MYCBP2: variants seen among roughly 807,000 people sequenced by gnomAD.
MYCBP2 encodes the protein MYC binding protein 2.
MYCBP2 carries 120 observed loss-of-function variants against 525.3 expected under a neutral mutation model. That is an observed-to-expected ratio of 0.23 (90% confidence interval 0.20 to 0.27). MYCBP2 has a LOEUF of 0.27. Among genes scored for constraint, MYCBP2 ranks in the 10% least tolerant of loss-of-function variants. MYCBP2 has a pLI of 1.00. For synonymous variants in MYCBP2, 1,894 were observed against 1,955.8 expected (o/e 0.97, Z 0.83); for missense variants, 4,149 against 5,657.1 (o/e 0.73, Z 8.55).
intron 21 of MYCBP2, among the ~76,000 whole-genome samples, chr13:77,212,502 T>C (rs2064161260): frequency 6.6e-6 from 1 of 152,234 alleles, no homozygotes; most frequent in Non-Finnish European, 1.5e-5. Flanking sequence ...AAAATATTAG[T>C]ATTCCAAATT....
rs2042519419 is a variant in MYCBP2 at position 77,077,522 on chromosome 13, C to T, written c.11485-135G>A. 2.9e-6 allele frequency: 3 copies of T among 1,048,528 alleles called. No individual in the cohort carries two copies. The East Asian group carries it at 7.2e-5, about 25-fold the overall frequency. The allele number at this position is 1,048,528 out of a possible 1,614,324, so 65.0% of individuals were successfully genotyped here. On this transcript the variant is annotated intron_variant, in intron 66 of 82. Transcript: ENST00000544440. ...GTAAAGGTTATGAGGTTATTTCACA[C>T]TGATTTTCTTATTTCAACCAGGTGA...
rs1207751102 is a variant in MYCBP2 at position 77,211,109 on chromosome 13, C to A, written c.3416+58G>T. 13 of 1,290,274 alleles carry A rather than the reference C, an allele frequency of 1.0e-5. 1 individual carries two copies. The South Asian group carries it at 3.6e-4, about 35-fold the overall frequency. 79.9% of individuals were successfully genotyped at this position (1,290,274 alleles called of 1,614,324 possible). ...CCACCTGTAAATAAAGTTTATATTA[C>A]CATAAGAGTATAACTGCATCAAAAC... On this transcript the variant is annotated intron_variant, in intron 23 of 82. Coordinates refer to ENST00000544440, the MANE Select transcript of MYCBP2 (RefSeq NM_015057.5).
intron 62 of MYCBP2, among the ~76,000 whole-genome samples, chr13:77,084,153 C>G (rs1178026516): frequency 6.6e-6 from 1 of 152,118 alleles, no homozygotes; most frequent in African/African-American, 2.4e-5. Flanking sequence ...ACTTGTATAT[C>G]TGTCTTTTCA....
At chr13:77,218,487 A>T (rs1367917940) in intron 20 of MYCBP2, among the ~76,000 whole-genome samples, 1 of 152,228 alleles carries the variant, frequency 6.6e-6, no homozygotes, top group African/African-American at 2.4e-5. Context: ...TCAGGCTTTA[A>T]AGCTAGACTG....
intron 69 of MYCBP2, among the ~76,000 whole-genome samples, chr13:77,069,846 C>G (rs558903667): frequency 6.0e-5 from 9 of 150,872 alleles, no homozygotes; most frequent in African/African-American, 2.2e-4. Context: ...CCAGCCTGGG[C>G]AACAGAGCGA....
intron 2 of MYCBP2, among the ~76,000 whole-genome samples, chr13:77,295,162 G>A (rs2078037309): frequency 6.6e-6 from 1 of 152,154 alleles, no homozygotes; most frequent in East Asian, 1.9e-4. Flanking sequence ...TTGAGACGGA[G>A]TCTTACTCTG....
intron 18 of MYCBP2, among the ~76,000 whole-genome samples, chr13:77,232,933 T>C (rs996591297): frequency 6.6e-6 from 1 of 152,178 alleles, no homozygotes; most frequent in Non-Finnish European, 1.5e-5. Flanking sequence ...AAAGATATAT[T>C]GTAAAATATC....
intron 23 of MYCBP2, among the ~76,000 whole-genome samples, chr13:77,207,369 C>T (rs966408481): frequency 2.0e-5 from 3 of 152,172 alleles, no homozygotes; most frequent in Non-Finnish European, 4.4e-5. Context: ...ACAACGTCTT[C>T]ATCATCCCAT....
At chr13:77,143,111 G>T (rs2054952049) in intron 49 of MYCBP2, among the ~76,000 whole-genome samples, 1 of 152,264 alleles carries the variant, frequency 6.6e-6, no homozygotes. Flanking sequence ...GTAAAGAAAA[G>T]ATTAATGCCT....
At chr13:77,208,980 A>G (rs1028620573) in intron 23 of MYCBP2, among the ~76,000 whole-genome samples, 14 of 152,304 alleles carry the variant, frequency 9.2e-5, no homozygotes, top group South Asian at 6.2e-4. Context: ...CTAATATTGG[A>G]TGTGCAATGC....
intron 8 of MYCBP2, among the ~76,000 whole-genome samples, 181 bp from the exon 9 acceptor site, chr13:77,264,183 T>C (rs1034056791): frequency 8.5e-5 from 13 of 152,200 alleles, no homozygotes; most frequent in African/African-American, 2.9e-4. Flanking sequence ...ATCATACTTA[T>C]TACATTTTTG....
chr13:77,288,486 A>G, intron 2 of MYCBP2, 110 bp from the exon 3 acceptor site: 1 of 910,088 alleles, frequency 1.1e-6, no homozygotes, highest in Non-Finnish European at 1.7e-6. Flanking sequence ...AAGACACATT[A>G]TGTGACACAG....
In MYCBP2 at chr13:77,066,001, A is replaced by G. The variant is rs763027253; in HGVS notation, c.12543T>C (p.Asp4181=). ...AAGAATGGGAACTTACTGCTGCCAT[A>G]TCCTTGATAAGTTTAATGATGATCT... ...ISEIIIKLIK[D]MAAGHLSEAW... The change falls in exon 72 of 83, where the codon GAT becomes GAC. Residue 4181 remains aspartate (D), a synonymous_variant. Transcript: ENST00000544440. 16 of 1,611,180 alleles carry G rather than the reference A, an allele frequency of 9.9e-6. No individual in the cohort carries two copies. Among genetic ancestry groups the G allele is most frequent in the Non-Finnish European group, 1.4e-5 (16 of 1,178,388 alleles).
Position 77,206,740 on chromosome 13 carries a change from T to C in MYCBP2, c.3502A>G (p.Arg1168Gly), listed in dbSNP as rs1322742139. 6.2e-7 allele frequency: 1 copy of C among 1,613,180 alleles called. No homozygotes were observed. Among genetic ancestry groups the C allele is most frequent in the South Asian group, 1.1e-5 (1 of 90,960 alleles). ...AGTTCAGGACTTAGGATACTACATCTGGACTGCATGTCTGCTGCAGAGGGA... is the reference window on the plus strand; with the variant it reads ...AGTTCAGGACTTAGGATACTACATCCGGACTGCATGTCTGCTGCAGAGGGA... ...RLPSAADMQS[R>G]CSILSPELAL... Residue 1168 changes from arginine to glycine, a missense_variant, in exon 24 of 83, where the codon AGA (arginine) becomes GGA (glycine). Physicochemically the swap from Arg to Gly is moderately radical, Grantham distance 125. Around this residue, in one of 21 missense-constraint regions of MYCBP2, gnomAD observed 620 missense variants for 795.5 expected, o/e 0.78. Coordinates refer to ENST00000544440, the MANE Select transcript of MYCBP2 (RefSeq NM_015057.5).
chr13:77,212,391 A>T (rs571238194), intron 21 of MYCBP2, among the ~76,000 whole-genome samples: 166 of 152,178 alleles, frequency 1.1e-3, no homozygotes, highest in African/African-American at 2.9e-3. Context: ...ATTATTTTTT[A>T]AAAAAAAGTT....
chr13:77,106,983 G>A (rs2047953783), intron 55 of MYCBP2, among the ~76,000 whole-genome samples: 2 of 152,126 alleles, frequency 1.3e-5, no homozygotes, highest in Non-Finnish European at 2.9e-5. Flanking sequence ...AAATAGCACT[G>A]TATTCTGTTC....
intron 40 of MYCBP2, among the ~76,000 whole-genome samples, chr13:77,168,167 G>A (rs2058738215): frequency 6.6e-6 from 1 of 152,058 alleles, no homozygotes; most frequent in Admixed American, 6.5e-5. Context: ...ATGAAGTTTA[G>A]CATTATATAC....
At chr13:77,199,227 G>T (rs372684766) in intron 26 of MYCBP2, among the ~76,000 whole-genome samples, 1 of 152,244 alleles carries the variant, frequency 6.6e-6, no homozygotes, top group Non-Finnish European at 1.5e-5. Context: ...TGCCTCACTC[G>T]GGAAGCGCAA....
At chr13:77,164,233 T>A (rs1204121120) in intron 43 of MYCBP2, among the ~76,000 whole-genome samples, 1 of 152,192 alleles carries the variant, frequency 6.6e-6, no homozygotes, top group Non-Finnish European at 1.5e-5. Flanking sequence ...AGCATGTATA[T>A]GCATAAAAAG....
Sources: gnomAD v4.1 joint callset for allele counts (sites outside exome capture counted in the v4.1 genomes callset) on GRCh38, gnomAD v4.1.1 for gene constraint, gnomAD v4.1.1 regional missense constraint, MANE v1.5 for transcripts, NCBI Gene and HGNC (gene_info 2026-07-23, HGNC 2026-07-21) for gene names.